The following DCAF10 variants were observed in gnomAD, a reference collection of about 807,000 sequenced individuals.
DCAF10 encodes the protein DDB1 and CUL4 associated factor 10, also known as DDB1- and CUL4-associated factor 10.
In DCAF10, 19 loss-of-function variants were observed where a neutral mutation model predicts 51.9. That is an observed-to-expected ratio of 0.37 (90% confidence interval 0.26 to 0.54). DCAF10 has a LOEUF of 0.54. Among genes scored for constraint, DCAF10 ranks in the 20% least tolerant of loss-of-function variants. The pLI is 0.87. For missense variants in DCAF10, 510 were observed against 730.6 expected (o/e 0.70, Z 3.48); for synonymous variants, 291 against 297.1 (o/e 0.98, Z 0.21).
intron 2 of DCAF10, among the ~76,000 whole-genome samples, chr9:37,841,595 A>G (rs1830339986): frequency 6.6e-6 from 1 of 152,182 alleles, no homozygotes; most frequent in Non-Finnish European, 1.5e-5. Flanking sequence ...AATAATGGCA[A>G]TTTTATAGCA....
intron 4 of DCAF10, among the ~76,000 whole-genome samples, chr9:37,855,945 G>A (rs1830834971): frequency 6.6e-6 from 1 of 152,160 alleles, no homozygotes; most frequent in Non-Finnish European, 1.5e-5. Context: ...GAGCCCAGGA[G>A]TTTGTGACCA....
At chr9:37,821,763 TGGGAC>T (rs1829707918) in intron 2 of DCAF10, among the ~76,000 whole-genome samples, 5 of 152,274 alleles carry the variant, frequency 3.3e-5, no homozygotes, top group African/African-American at 1.2e-4. Context: ...GATAAATAGC[TGGGAC>T]CTAATTAAAC....
rs1354040208 is a variant in DCAF10, at chr9:37,866,939, A to G, written c.*5431A>G. ...TAGACATAAGAGTATTTTGGATGCC[A>G]TTAAACTTTGTCAATAACCATTAAA... On this transcript the variant is annotated 3_prime_UTR_variant, in exon 7 of 7. Coordinates refer to ENST00000377724, the MANE Select transcript of DCAF10 (RefSeq NM_024345.5). The G allele has an allele frequency of 6.6e-6, 1 of 152,366 alleles. No homozygotes were observed. The highest frequency in any genetic ancestry group is 1.5e-5 in the Non-Finnish European group (1 of 68,036). The allele number at this position is 152,366 out of a possible 1,614,324, so 9.4% of individuals were successfully genotyped here. A position where few individuals can be genotyped will look rare whatever the true frequency, so the allele number is the denominator to read the frequency against.
intron 2 of DCAF10, among the ~76,000 whole-genome samples, chr9:37,827,522 A>G (rs1829887702): frequency 6.6e-6 from 1 of 152,192 alleles, no homozygotes; most frequent in Non-Finnish European, 1.5e-5. Context: ...CAAATGCTGG[A>G]TAAAATGTAA....
At chr9:37,831,731 C>T (rs1830011632) in intron 2 of DCAF10, among the ~76,000 whole-genome samples, 1 of 152,212 alleles carries the variant, frequency 6.6e-6, no homozygotes, top group Admixed American at 6.5e-5. Flanking sequence ...AATACTTACA[C>T]CCATTATACA....
intron 3 of DCAF10, among the ~76,000 whole-genome samples, chr9:37,853,944 C>T (rs1186840728): frequency 1.3e-5 from 2 of 152,004 alleles, no homozygotes; most frequent in African/African-American, 4.8e-5. Flanking sequence ...TCTGTGACCA[C>T]AGGGCTATTA....
chr9:37,861,962 T>C lies in DCAF10; in HGVS notation c.*454T>C, dbSNP rs1484862828. On this transcript the variant is annotated 3_prime_UTR_variant, in exon 7 of 7. Transcript: ENST00000377724. This position sits in a 1 kb window ranked among gnomAD's most constrained non-coding sequence, Gnocchi z 4.9. Reference sequence around the variant, plus strand: ...TTGAATAAAACCTAGAAGTTGGATATTGGCATATTGGTTGTTGAAAAATAA... The same window carrying C: ...TTGAATAAAACCTAGAAGTTGGATACTGGCATATTGGTTGTTGAAAAATAA... 3 of 159,228 alleles carry C rather than the reference T, an allele frequency of 1.9e-5. No individual in the cohort carries two copies. The highest frequency in any genetic ancestry group is 7.2e-5 in the African/African-American group (3 of 41,536). The allele number at this position is 159,228 out of a possible 1,614,324, so 9.9% of individuals were successfully genotyped here. A position where few individuals can be genotyped will look rare whatever the true frequency, so the allele number is the denominator to read the frequency against.
intron 1 of DCAF10, 109 bp from the exon 2 acceptor site, chr9:37,819,179 A>G: frequency 3.7e-6 from 1 of 273,672 alleles, no homozygotes; most frequent in Non-Finnish European, 5.9e-6. Context: ...TAACATGGGC[A>G]AAAAAAAAAA....
intron 3 of DCAF10, among the ~76,000 whole-genome samples, chr9:37,843,530 TAAA>T (rs1830393308): frequency 6.6e-6 from 1 of 151,942 alleles, no homozygotes; most frequent in East Asian, 1.9e-4. Context: ...TAGTAGAGGG[TAAA>T]AAACTAATAA....
At position 37,806,094 on chromosome 9, in the gene DCAF10, A is replaced by T. The variant is rs572259042; in HGVS notation, c.539+4689A>T. On this transcript the variant is annotated intron_variant, in intron 1 of 6. Transcript: ENST00000377724. The stretch of plus-strand genomic sequence containing the variant: ...GACCCTGTCTTGCAAAAAATAAAAT[A>T]AAATTAAAAAATAAATAAAAGAACA... Among the ~76,000 whole-genome samples, 201 of 152,310 alleles carry T rather than the reference A, an allele frequency of 1.3e-3. No homozygotes were observed. The Middle Eastern group carries it at 0.014, about 10-fold the overall frequency.
rs1324967335 is a variant in DCAF10 at position 37,822,337 on chromosome 9, T to A, written c.653+2936T>A. ...CACACGCATGTTTATAGCAGCACAATTCACAATAGCCAAATCGTGGAACCA... is the reference window on the plus strand; with the variant it reads ...CACACGCATGTTTATAGCAGCACAAATCACAATAGCCAAATCGTGGAACCA... On this transcript the variant is annotated intron_variant, in intron 2 of 6. Coordinates refer to ENST00000377724, the MANE Select transcript of DCAF10 (RefSeq NM_024345.5). Among the ~76,000 whole-genome samples, 5 of 145,854 alleles carry A rather than the reference T, an allele frequency of 3.4e-5. No individual in the cohort carries two copies. In the Admixed American group the frequency reaches 3.5e-4, roughly 10 times the overall value.
chr9:37,822,072 G>A (rs7855765), intron 2 of DCAF10, among the ~76,000 whole-genome samples: 29,056 of 151,892 alleles, frequency 0.19, 3,162 homozygotes, highest in African/African-American at 0.29. Flanking sequence ...ATGCGATACC[G>A]CCTTACTCCT....
At chr9:37,834,936 G>A (rs574474887) in intron 2 of DCAF10, among the ~76,000 whole-genome samples, 1 of 151,834 alleles carries the variant, frequency 6.6e-6, no homozygotes, top group African/African-American at 2.4e-5. Context: ...CTACAGGCTC[G>A]TGCCACACCT....
chr9:37,816,777 T>C (rs1450359920), intron 1 of DCAF10, among the ~76,000 whole-genome samples: 1 of 152,090 alleles, frequency 6.6e-6, no homozygotes, highest in Non-Finnish European at 1.5e-5. Context: ...AAATCTTTAA[T>C]GTGTGGGAAA....
chr9:37,803,213 T>C (rs966494), intron 1 of DCAF10, among the ~76,000 whole-genome samples: 29,035 of 152,066 alleles, frequency 0.19, 3,171 homozygotes, highest in African/African-American at 0.29. Flanking sequence ...ACCTAAACAT[T>C]GCTTATGATC....
chr9:37,838,135 TC>T (rs1340804651), intron 2 of DCAF10, among the ~76,000 whole-genome samples: 2 of 151,934 alleles, frequency 1.3e-5, no homozygotes, highest in African/African-American at 4.8e-5. Flanking sequence ...GGATATATTA[TC>T]TTTAAAGATT....
chr9:37,816,731 G>A (rs1218635437), intron 1 of DCAF10, among the ~76,000 whole-genome samples: 1 of 151,288 alleles, frequency 6.6e-6, no homozygotes, highest in African/African-American at 2.4e-5. Context: ...GTATAAGGAT[G>A]GTCAAAGATC....
At chr9:37,837,182 C>T (rs963553388) in intron 2 of DCAF10, among the ~76,000 whole-genome samples, 2 of 152,078 alleles carry the variant, frequency 1.3e-5, no homozygotes, top group South Asian at 2.1e-4. Context: ...CAAAGCAGGC[C>T]GGGCACGGTG....
At chr9:37,843,467 T>C (rs1232610201) in intron 3 of DCAF10, among the ~76,000 whole-genome samples, 1 of 152,224 alleles carries the variant, frequency 6.6e-6, no homozygotes, top group East Asian at 1.9e-4. Flanking sequence ...TGAATTTGTT[T>C]ACTAAAATTT....
Sources: gnomAD v4.1 joint callset for allele counts (sites outside exome capture counted in the v4.1 genomes callset) on GRCh38, gnomAD v4.1.1 for gene constraint, Gnocchi (gnomAD v3.1) non-coding constraint, MANE v1.5 for transcripts, NCBI Gene and HGNC (gene_info 2026-07-23, HGNC 2026-07-21) for gene names.